RDH11: variants seen among roughly 807,000 people sequenced by gnomAD.
RDH11 encodes the protein retinol dehydrogenase 11, also known as HCV core-binding protein HCBP12.
A neutral mutation model predicts 33.4 loss-of-function variants in RDH11; 19 were observed. That is an observed-to-expected ratio of 0.57 (90% CI 0.40 to 0.83). RDH11 has a LOEUF of 0.83. Ranked by LOEUF, RDH11 falls within the 40% of genes least tolerant of loss-of-function variation. The pLI is 0.00. For synonymous variants in RDH11, 154 were observed against 155.3 expected (o/e 0.99, Z 0.06); for missense variants, 353 against 389.0 (o/e 0.91, Z 0.78).
intron 4 of RDH11, 61 bp downstream of exon 4, chr14:67,691,079 C>T (rs1306384235): frequency 3.6e-6 from 4 of 1,114,130 alleles, no homozygotes; most frequent in Non-Finnish European, 5.5e-6. Context: ...AATCTGACCC[C>T]TAAGTTTCCC....
intron 6 of RDH11, among the ~76,000 whole-genome samples, chr14:67,681,558 G>T (rs1033046277): frequency 6.6e-6 from 1 of 152,174 alleles, no homozygotes; most frequent in Non-Finnish European, 1.5e-5. Context: ...CGAGGAGGGG[G>T]ATCACTTGAA....
At chr14:67,695,076 G>A in intron 1 of RDH11, among the ~76,000 whole-genome samples, 1 of 152,164 alleles carries the variant, frequency 6.6e-6, no homozygotes, top group South Asian at 2.1e-4. Flanking sequence ...TGCTCGCAAG[G>A]CAGGATAGAG....
intron 6 of RDH11, among the ~76,000 whole-genome samples, chr14:67,682,262 C>A (rs2037624974): frequency 6.6e-6 from 1 of 152,120 alleles, no homozygotes; most frequent in East Asian, 1.9e-4. Flanking sequence ...AATAGATAAA[C>A]TGGACTTCAT....
chr14:67,689,264 T>C (rs1423399366), intron 5 of RDH11, among the ~76,000 whole-genome samples: 4 of 152,216 alleles, frequency 2.6e-5, no homozygotes, highest in African/African-American at 9.7e-5. Context: ...GATGATCCTA[T>C]TCCAACTATA....
At chr14:67,684,817 T>C in intron 6 of RDH11, 198 bp downstream of exon 6, 2 of 455,780 alleles carry the variant, frequency 4.4e-6, no homozygotes, top group Non-Finnish European at 7.7e-6. Flanking sequence ...ATTATCAGTA[T>C]AAAAGATGGC....
chr14:67,692,625 A>T, intron 2 of RDH11, 32 bp from the exon 3 acceptor site: 1 of 1,519,092 alleles, frequency 6.6e-7, no homozygotes, highest in African/African-American at 1.4e-5. Context: ...AGAAATGGTC[A>T]GCTCTGTTTT....
At chr14:67,689,676 G>A (rs2037724560) in intron 5 of RDH11, among the ~76,000 whole-genome samples, 1 of 152,172 alleles carries the variant, frequency 6.6e-6, no homozygotes, top group South Asian at 2.1e-4. Flanking sequence ...AGGTGCGGTG[G>A]CTCACACCTA....
At chr14:67,695,142 G>A (rs2037813639) in intron 1 of RDH11, among the ~76,000 whole-genome samples, 1 of 152,158 alleles carries the variant, frequency 6.6e-6, no homozygotes, top group South Asian at 2.1e-4. Context: ...TCCGCCCACA[G>A]AACAAGCGAT....
At chr14:67,684,178 C>G (rs938699538) in intron 6 of RDH11, among the ~76,000 whole-genome samples, 1 of 152,322 alleles carries the variant, frequency 6.6e-6, no homozygotes, top group South Asian at 2.1e-4. Context: ...TGGGGCTCCT[C>G]CACAAGGCTG....
At chr14:67,681,374 A>G (rs1029067271) in intron 6 of RDH11, among the ~76,000 whole-genome samples, 8 of 152,266 alleles carry the variant, frequency 5.3e-5, no homozygotes, top group African/African-American at 1.9e-4. Context: ...AGACTAATAC[A>G]GATACCAAGA....
chr14:67,689,348 C>T (rs1330283240), intron 5 of RDH11, among the ~76,000 whole-genome samples: 1 of 152,194 alleles, frequency 6.6e-6, no homozygotes, highest in Non-Finnish European at 1.5e-5. Flanking sequence ...CCTCGATTTC[C>T]CTTCTCTTTA....
At position 67,692,465 on chromosome 14, in the gene RDH11, G is replaced by T; in HGVS notation, c.322C>A (p.Arg108=). The change falls in exon 3 of 7, where the codon CGA becomes AGA. Residue 108 remains arginine (R), a synonymous_variant. Transcript: ENST00000381346. ...KLDLSDTKSI[R]AFAKGFLAEE... The stretch of plus-strand genomic sequence containing the variant: ...GCTAAGAAGCCCTTAGCAAAAGCTC[G>T]AATAGACTTAGTATCAGACAGGTCC... 6.2e-7 allele frequency: 1 copy of T among 1,614,064 alleles called. No individual in the cohort carries two copies. The highest frequency in any genetic ancestry group is 1.3e-5 in the African/African-American group (1 of 75,018).
chr14:67,691,074 G>C (rs1594852132), intron 4 of RDH11, 66 bp downstream of exon 4: 1 of 1,008,976 alleles, frequency 9.9e-7, no homozygotes, highest in East Asian at 2.4e-5. Context: ...GCCTCAATCT[G>C]ACCCCTAAGT....
chr14:67,679,657 G>A (rs967757623), intron 6 of RDH11, among the ~76,000 whole-genome samples: 1 of 152,104 alleles, frequency 6.6e-6, no homozygotes, highest in Non-Finnish European at 1.5e-5. Context: ...ACCTGCCTCG[G>A]CCTCCCAAAG....
At chr14:67,683,442 C>T (rs1361761120) in intron 6 of RDH11, among the ~76,000 whole-genome samples, 1 of 152,214 alleles carries the variant, frequency 6.6e-6, no homozygotes, top group Non-Finnish European at 1.5e-5. Flanking sequence ...AACACACATG[C>T]AACATGTACA....
chr14:67,688,915 GAAC>G (rs778281515), intron 5 of RDH11, among the ~76,000 whole-genome samples: 3 of 152,242 alleles, frequency 2.0e-5, no homozygotes, highest in South Asian at 2.1e-4. Flanking sequence ...CCAGTGCACG[GAAC>G]AACATGGGCA....
chr14:67,691,513 A>G (rs1355141054), intron 3 of RDH11: 4 of 327,070 alleles, frequency 1.2e-5, no homozygotes, highest in Non-Finnish European at 2.2e-5. Flanking sequence ...TGCTTTTGGG[A>G]ATTGTTGCAT....
At chr14:67,686,983 C>T (rs1218528777) in intron 5 of RDH11, among the ~76,000 whole-genome samples, 1 of 152,168 alleles carries the variant, frequency 6.6e-6, no homozygotes, top group Non-Finnish European at 1.5e-5. Flanking sequence ...AATGCAGACT[C>T]AGAGGTCCCA....
chr14:67,692,841 C>T, intron 2 of RDH11, 93 bp downstream of exon 2: 1 of 1,053,208 alleles, frequency 9.5e-7, no homozygotes, highest in East Asian at 2.4e-5. Context: ...TTCTTGAATT[C>T]CAAAACTGGG....
Sources: gnomAD v4.1 joint callset for allele counts (sites outside exome capture counted in the v4.1 genomes callset) on GRCh38, gnomAD v4.1.1 for gene constraint, MANE v1.5 for transcripts, NCBI Gene and HGNC (gene_info 2026-07-23, HGNC 2026-07-21) for gene names.